AKAP19: variants seen among roughly 807,000 people sequenced by gnomAD.
The protein encoded by AKAP19 is small A-kinase anchoring protein.
At chr2:189,924,841 T>C in the AKAP19 span, among the ~76,000 whole-genome samples, 3 of 152,034 alleles carry the variant, frequency 2.0e-5, no homozygotes, top group African/African-American at 7.2e-5. Context: ...GTTTGGGACC[T>C]TTTTTCCTCA....
chr2:189,939,182 A>G, the AKAP19 span, among the ~76,000 whole-genome samples: 856 of 152,296 alleles, frequency 5.6e-3, 14 homozygotes, highest in African/African-American at 0.019. Context: ...ACTCCACCAA[A>G]GGAGATGCCA....
chr2:190,166,227 G>A, the AKAP19 span, among the ~76,000 whole-genome samples: 1 of 148,602 alleles, frequency 6.7e-6, no homozygotes, highest in Non-Finnish European at 1.5e-5. Context: ...GGGAAAATGG[G>A]AAATCTTCTG....
the AKAP19 span, among the ~76,000 whole-genome samples, chr2:190,191,573 A>G: frequency 4.6e-5 from 7 of 152,158 alleles, no homozygotes; most frequent in African/African-American, 1.4e-4. Flanking sequence ...TCCAGAGGCC[A>G]TGTCATTTTG....
chr2:189,906,363 T>TAATC, the AKAP19 span, among the ~76,000 whole-genome samples: 1 of 152,104 alleles, frequency 6.6e-6, no homozygotes, highest in Admixed American at 6.6e-5. Context: ...AAAATAGCTA[T>TAATC]AATCTCACCC....
chr2:190,078,850 TG>T, the AKAP19 span, among the ~76,000 whole-genome samples: 1 of 152,164 alleles, frequency 6.6e-6, no homozygotes, highest in Non-Finnish European at 1.5e-5. Flanking sequence ...AAGCATGTAA[TG>T]TTTCAAGTTG....
At chr2:189,944,947 G>A in the AKAP19 span, among the ~76,000 whole-genome samples, 3 of 152,038 alleles carry the variant, frequency 2.0e-5, no homozygotes, top group Admixed American at 6.6e-5. Flanking sequence ...ATGAATGTTA[G>A]AAAGTATGAA....
At chr2:190,017,004 T>C in the AKAP19 span, among the ~76,000 whole-genome samples, 4 of 152,316 alleles carry the variant, frequency 2.6e-5, no homozygotes, top group East Asian at 7.7e-4. Context: ...TATATTCTCT[T>C]GATAAATTGA....
At chr2:190,130,859 A>G in the AKAP19 span, among the ~76,000 whole-genome samples, 1 of 152,132 alleles carries the variant, frequency 6.6e-6, no homozygotes, top group Non-Finnish European at 1.5e-5. Flanking sequence ...GTTTCTTTAA[A>G]TCTACCCCTA....
chr2:190,103,570 G>A, the AKAP19 span, among the ~76,000 whole-genome samples: 3 of 152,108 alleles, frequency 2.0e-5, no homozygotes, highest in African/African-American at 7.2e-5. Context: ...GCCAAATCAA[G>A]AACACAGTCC....
the AKAP19 span, among the ~76,000 whole-genome samples, chr2:189,897,792 CAAAT>C: frequency 1.3e-5 from 2 of 152,108 alleles, no homozygotes; most frequent in Admixed American, 6.6e-5. Context: ...TTTGAATAAA[CAAAT>C]AATCTTTATT....
the AKAP19 span, among the ~76,000 whole-genome samples, chr2:189,929,915 T>C: frequency 6.6e-6 from 1 of 152,286 alleles, no homozygotes; most frequent in East Asian, 1.9e-4. Flanking sequence ...AGTTATTTCA[T>C]TTAGGAAAAT....
chr2:189,973,821 G>T, the AKAP19 span, among the ~76,000 whole-genome samples: 7 of 152,104 alleles, frequency 4.6e-5, no homozygotes, highest in African/African-American at 1.4e-4. Context: ...TTTGGGATTG[G>T]TGGTGATATC....
At chr2:190,024,459 C>T in the AKAP19 span, among the ~76,000 whole-genome samples, 5 of 151,316 alleles carry the variant, frequency 3.3e-5, no homozygotes, top group Non-Finnish European at 4.4e-5. Flanking sequence ...AGGGAATAGA[C>T]AAGTAAAGTC....
At chr2:190,010,743 T>G in the AKAP19 span, among the ~76,000 whole-genome samples, 2 of 152,142 alleles carry the variant, frequency 1.3e-5, no homozygotes, top group African/African-American at 4.8e-5. Flanking sequence ...CATTTTATCT[T>G]ATTGAATATT....
chr2:189,888,465 T>C, the AKAP19 span, among the ~76,000 whole-genome samples: 6 of 152,222 alleles, frequency 3.9e-5, no homozygotes, highest in South Asian at 2.1e-4. Context: ...TAGTTTTTTG[T>C]AAATCTGTGA....
chr2:190,038,937 C>CTTG, the AKAP19 span, among the ~76,000 whole-genome samples: 1 of 141,800 alleles, frequency 7.1e-6, no homozygotes, highest in Non-Finnish European at 1.5e-5. Flanking sequence ...TCTTCTTCTT[C>CTTG]TTCTTCTTCT....
the AKAP19 span, among the ~76,000 whole-genome samples, chr2:189,914,575 G>A: frequency 6.6e-5 from 10 of 152,108 alleles, 2 homozygotes; most frequent in South Asian, 1.7e-3. Flanking sequence ...TGATGAGTAT[G>A]CAAGTTATTT....
At chr2:190,030,190 A>T in the AKAP19 span, among the ~76,000 whole-genome samples, 1 of 152,138 alleles carries the variant, frequency 6.6e-6, no homozygotes, top group Non-Finnish European at 1.5e-5. Context: ...TTTCTTTAAT[A>T]ATCTCCTTGC....
At chr2:189,923,513 G>A in the AKAP19 span, 1 of 1,613,890 alleles carries the variant, frequency 6.2e-7, no homozygotes, top group East Asian at 2.2e-5. Flanking sequence ...GTATGTTAAT[G>A]AGAGAAATGC....
Sources: allele counts gnomAD v4.1 joint callset (sites outside exome capture counted in the v4.1 genomes callset), GRCh38; gene constraint gnomAD v4.1.1; transcripts MANE v1.5; gene names NCBI Gene and HGNC (gene_info 2026-07-23, HGNC 2026-07-21).